Variants in FHOD3 observed in about 807,000 individuals in gnomAD.
The protein encoded by FHOD3 is formin homology 2 domain containing 3.
In FHOD3, 90 loss-of-function variants were observed where a neutral mutation model predicts 173.0. That is an observed-to-expected ratio of 0.52 (90% CI 0.44 to 0.62). The LOEUF (loss-of-function observed/expected upper bound fraction) is 0.62. Ranked by LOEUF, FHOD3 falls within the 20% of genes least tolerant of loss-of-function variation. FHOD3 has a pLI of 0.00. For synonymous variants in FHOD3, 828 were observed against 823.0 expected (o/e 1.01, Z -0.10); for missense variants, 1,945 against 2,034.7 (o/e 0.96, Z 0.85).
chr18:36,681,832 G>A (rs1176539206), intron 15 of FHOD3, among the ~76,000 whole-genome samples: 1 of 152,016 alleles, frequency 6.6e-6, no homozygotes, highest in Non-Finnish European at 1.5e-5. Flanking sequence ...TACCTACCTC[G>A]TCCTATCCAG....
chr18:36,431,452 T>C (rs1303979895), intron 3 of FHOD3, among the ~76,000 whole-genome samples: 1 of 152,192 alleles, frequency 6.6e-6, no homozygotes. Context: ...GTCAAGTCTG[T>C]CCTGAGGAAG....
At chr18:36,329,753 G>A (rs574923874) in intron 1 of FHOD3, among the ~76,000 whole-genome samples, 51 of 152,278 alleles carry the variant, frequency 3.3e-4, no homozygotes, top group African/African-American at 1.2e-3. Context: ...TGCAACAGAT[G>A]TCTTGAGGAT....
chr18:36,312,514 C>T (rs2092283216), intron 1 of FHOD3, among the ~76,000 whole-genome samples: 1 of 152,104 alleles, frequency 6.6e-6, no homozygotes, highest in South Asian at 2.1e-4. Flanking sequence ...TGTCATCTTC[C>T]CACAGACCCA....
rs1016717 is a variant in FHOD3 at position 36,671,917 on chromosome 18, C to T, written c.1836-9519C>T. Among the ~76,000 whole-genome samples, 1,281 of 152,218 alleles carry T rather than the reference C, an allele frequency of 8.4e-3. 11 individuals are homozygous for T. The highest frequency in any genetic ancestry group is 0.017 in the Middle Eastern group (5 of 294). ...GAACCAATCATTTGTGACGATGTGC[C>T]GAAAGGACACATCCAGGAGTCTGGA... is the stretch of plus-strand genomic sequence containing the variant. On this transcript the variant is annotated intron_variant, in intron 14 of 28. Coordinates refer to ENST00000590592, the MANE Select transcript of FHOD3 (RefSeq NM_001281740.3).
intron 4 of FHOD3, among the ~76,000 whole-genome samples, chr18:36,507,101 T>C (rs1315574782): frequency 1.3e-5 from 2 of 152,346 alleles, no homozygotes; most frequent in African/African-American, 4.8e-5. Context: ...GCATGTCATG[T>C]TTTTTTCCTG....
chr18:36,769,529 A>G (rs2043283202), intron 28 of FHOD3, 103 bp downstream of exon 28: 1 of 1,423,914 alleles, frequency 7.0e-7, no homozygotes, highest in Non-Finnish European at 9.4e-7. Flanking sequence ...GTGAATTGTC[A>G]GTGGCTCCCA....
intron 22 of FHOD3, 128 bp from the exon 23 acceptor site, chr18:36,743,904 C>A: frequency 9.8e-7 from 1 of 1,015,810 alleles, no homozygotes; most frequent in South Asian, 1.3e-5. Context: ...GAGCATGTGG[C>A]CCCAGGAGCT....
chr18:36,593,912 G>A (rs1396545161), intron 6 of FHOD3, among the ~76,000 whole-genome samples: 1 of 152,210 alleles, frequency 6.6e-6, no homozygotes, highest in African/African-American at 2.4e-5. Flanking sequence ...TTTCTCGGCT[G>A]CACAGTTTGA....
At chr18:36,477,538 C>CCATCCATCCAT (rs2053643788) in intron 3 of FHOD3, among the ~76,000 whole-genome samples, 1 of 62,328 alleles carries the variant, frequency 1.6e-5, no homozygotes, top group Non-Finnish European at 3.0e-5. Flanking sequence ...CACCCACCCA[C>CCATCCATCCAT]CCACCCACCT....
intron 3 of FHOD3, among the ~76,000 whole-genome samples, chr18:36,401,141 A>G (rs2048793446): frequency 6.6e-6 from 1 of 152,162 alleles, no homozygotes; most frequent in Admixed American, 6.5e-5. Context: ...CCCCAGATTC[A>G]TGTGATGAAA....
rs567967684 is a variant in FHOD3 at position 36,493,043 on chromosome 18, A to G, written c.338-8889A>G. ...CAGCTCTGGGGCCAGCATCTATGGT[A>G]CCTCTCTGCCTACATTTCTTCACCT... is the stretch of plus-strand genomic sequence containing the variant. On this transcript the variant is annotated intron_variant, in intron 3 of 28. Coordinates refer to ENST00000590592, the MANE Select transcript of FHOD3 (RefSeq NM_001281740.3). 1.0e-3 allele frequency among the ~76,000 whole-genome samples: 153 copies of G among 152,024 alleles called. 1 individual carries two copies. The highest frequency in any genetic ancestry group is 1.6e-3 in the Non-Finnish European group (112 of 67,982).
At chr18:36,474,816 A>G (rs938632812) in intron 3 of FHOD3, among the ~76,000 whole-genome samples, 1 of 152,064 alleles carries the variant, frequency 6.6e-6, no homozygotes. Flanking sequence ...CTGGGAGTAA[A>G]TTCCTGAGGC....
intron 3 of FHOD3, among the ~76,000 whole-genome samples, chr18:36,473,810 G>C (rs561037015): frequency 6.6e-6 from 1 of 152,348 alleles, no homozygotes; most frequent in Non-Finnish European, 1.5e-5. Flanking sequence ...TGCCAGTTGT[G>C]CTTAATCTGC....
intron 27 of FHOD3, among the ~76,000 whole-genome samples, chr18:36,768,356 A>AT (rs1296575324): frequency 6.6e-6 from 1 of 152,258 alleles, no homozygotes; most frequent in Non-Finnish European, 1.5e-5. Context: ...GATGGAGCAC[A>AT]TCTACCTACA....
At chr18:36,687,204 G>T in intron 16 of FHOD3, 26 bp downstream of exon 16, 1 of 1,557,340 alleles carries the variant, frequency 6.4e-7, no homozygotes, top group African/African-American at 1.4e-5. Flanking sequence ...CTTTCCCATT[G>T]TAACAAATGG....
At chr18:36,600,547 T>C (rs982827448) in intron 7 of FHOD3, among the ~76,000 whole-genome samples, 2 of 152,232 alleles carry the variant, frequency 1.3e-5, no homozygotes, top group African/African-American at 4.8e-5. Flanking sequence ...TACAAATATA[T>C]GCACATTTCC....
intron 5 of FHOD3, among the ~76,000 whole-genome samples, chr18:36,549,278 TTTC>T (rs1382040043): frequency 1.3e-5 from 2 of 152,316 alleles, no homozygotes; most frequent in Admixed American, 1.3e-4. Context: ...GGGCTTTCTG[TTTC>T]TTATTTGATA....
At chr18:36,681,284 A>G in intron 14 of FHOD3, 152 bp from the exon 15 acceptor site, 1 of 871,954 alleles carries the variant, frequency 1.1e-6, no homozygotes, top group Non-Finnish European at 1.7e-6. Flanking sequence ...CAAAAATCTG[A>G]AACAAGAAGA....
At chr18:36,553,486 T>C (rs570637286) in intron 5 of FHOD3, among the ~76,000 whole-genome samples, 1 of 152,318 alleles carries the variant, frequency 6.6e-6, no homozygotes, top group Admixed American at 6.5e-5. Context: ...GATTATTGCC[T>C]CAATTTCAGA....
Sources: allele counts gnomAD v4.1 joint callset (sites outside exome capture counted in the v4.1 genomes callset), GRCh38; gene constraint gnomAD v4.1.1; transcripts MANE v1.5; gene names NCBI Gene and HGNC (gene_info 2026-07-23, HGNC 2026-07-21).